Variants in NRXN2 observed in about 807,000 individuals in gnomAD.
The protein encoded by NRXN2 is neurexin 2, also known as neurexin-2-beta.
Under a neutral mutation model 128.8 loss-of-function variants are expected in NRXN2, and 29 were observed. The ratio of observed to expected loss-of-function variants is 0.23; its 90% CI spans 0.17 to 0.31. The LOEUF is 0.31. Ranked by LOEUF, NRXN2 falls within the 10% of genes least tolerant of loss-of-function variation. NRXN2 has a pLI of 1.00. For synonymous variants in NRXN2, 1,098 were observed against 1,075.2 expected, an observed-to-expected ratio of 1.02 and a Z score of -0.41; for missense variants, 1,881 against 2,452.6, an observed-to-expected ratio of 0.77 and a Z score of 4.92.
chr11:64,699,077 T>C (rs544205471), intron 2 of NRXN2, among the ~76,000 whole-genome samples: 15 of 152,352 alleles, frequency 9.8e-5, no homozygotes, highest in African/African-American at 3.6e-4. Flanking sequence ...TGGTGATATC[T>C]GTTCATTCGC....
rs67776872 is a variant in NRXN2, at chr11:64,699,425, C to CTTTTTTTTTTT, written c.731-1644_731-1634dup. Among the ~76,000 whole-genome samples the CTTTTTTTTTTT allele has an allele frequency of 9.2e-4, 85 of 92,108 alleles. 1 individual carries two copies. The highest frequency in any genetic ancestry group is 1.4e-3 in the African/African-American group (31 of 22,874). 60.4% of individuals were successfully genotyped at this position (92,108 alleles called of 152,430 possible). A position where few individuals can be genotyped will look rare whatever the true frequency, so the allele number is the denominator to read the frequency against. On this transcript the variant is annotated intron_variant, in intron 2 of 22. Transcript: ENST00000265459. ...TAAAAGATACATGTCTAATAGTTTTCTTTTTTTTTTTTTTTTTTTTTTGAG... is the reference window on the plus strand; with the variant it reads ...TAAAAGATACATGTCTAATAGTTTTCTTTTTTTTTTTTTTTTTTTTTTTTTTTTTTTTTGAG...
chr11:64,634,441 G>A (rs2044380368), intron 18 of NRXN2, among the ~76,000 whole-genome samples: 1 of 152,202 alleles, frequency 6.6e-6, no homozygotes, highest in African/African-American at 2.4e-5. Context: ...GGCAGGGAAA[G>A]AAAAGGGGCC....
chr11:64,702,793 T>A (rs1592231766), intron 2 of NRXN2, among the ~76,000 whole-genome samples: 7 of 109,188 alleles, frequency 6.4e-5, no homozygotes, highest in East Asian at 2.5e-4. Flanking sequence ...CCAAGAATGA[T>A]CAATAAAAAA....
chr11:64,687,328 G>A (rs775175349), intron 5 of NRXN2, among the ~76,000 whole-genome samples: 7 of 152,104 alleles, frequency 4.6e-5, no homozygotes, highest in African/African-American at 1.4e-4. Context: ...GGGGAGTTTC[G>A]GAGTGCAGAT....
chr11:64,618,943 C>T (rs987975489), intron 22 of NRXN2, among the ~76,000 whole-genome samples: 2 of 152,192 alleles, frequency 1.3e-5, no homozygotes, highest in African/African-American at 4.8e-5. Context: ...AACCCCTCTG[C>T]CCTTGGTTTT....
chr11:64,647,836 G>A (rs2046930275), intron 17 of NRXN2, among the ~76,000 whole-genome samples: 2 of 152,216 alleles, frequency 1.3e-5, no homozygotes, highest in Admixed American at 6.5e-5. Context: ...GTGCAATAGT[G>A]TGTCTGTGTG....
intron 17 of NRXN2, among the ~76,000 whole-genome samples, chr11:64,641,252 G>A (rs962593984): frequency 6.6e-6 from 1 of 152,096 alleles, no homozygotes; most frequent in Non-Finnish European, 1.5e-5. Context: ...GACAGGATGG[G>A]ATGGGATGGA....
intron 3 of NRXN2, among the ~76,000 whole-genome samples, chr11:64,693,347 A>G (rs2054095139): frequency 6.6e-6 from 1 of 151,828 alleles, no homozygotes; most frequent in African/African-American, 2.4e-5. Context: ...GCGGAGAGAA[A>G]AAAAAACAGT....
At position 64,630,053 on chromosome 11, in the gene NRXN2, T is replaced by G. The variant is rs2135367157; in HGVS notation, c.3757+349A>C. Among the ~76,000 whole-genome samples the G allele has an allele frequency of 6.6e-6, 1 of 152,162 alleles. No homozygotes were observed. The highest frequency in any genetic ancestry group is 2.4e-5 in the African/African-American group (1 of 41,496). On this transcript the variant is annotated intron_variant, in intron 19 of 22. Transcript: ENST00000265459. This position sits in a 1 kb window ranked among gnomAD's most constrained non-coding sequence, Gnocchi z 4.6. ...CTCCCTCATTTCTGAACTCAACCTT[T>G]CCGCAATCGCATCAGATTCTCCTCA...
At position 64,650,328 on chromosome 11, in the gene NRXN2, G is replaced by C; in HGVS notation, c.3109+120C>G. On this transcript the variant is annotated intron_variant, in intron 15 of 22. Coordinates refer to ENST00000265459, the MANE Select transcript of NRXN2 (RefSeq NM_015080.4). ...GCTGGACATAGTGGAGACAGGGAAA[G>C]AGAGGTGGAAACTGGGGGCAGGGAA... 4 of 999,382 alleles carry C rather than the reference G, an allele frequency of 4.0e-6. No individual in the cohort carries two copies. The Admixed American group carries it at 5.2e-5, about 13-fold the overall frequency. 61.9% of individuals were successfully genotyped at this position (999,382 alleles called of 1,614,324 possible). A position where few individuals can be genotyped will look rare whatever the true frequency, so the allele number is the denominator to read the frequency against.
At chr11:64,617,887 G>T (rs988721702) in intron 22 of NRXN2, among the ~76,000 whole-genome samples, 1 of 152,218 alleles carries the variant, frequency 6.6e-6, no homozygotes, top group Non-Finnish European at 1.5e-5. Flanking sequence ...GTGCGATGCA[G>T]GCTTAGGGGA....
chr11:64,667,565 C>T lies in NRXN2; in HGVS notation c.1483G>A (p.Val495Met). 1 of 1,614,212 alleles carries T rather than the reference C, an allele frequency of 6.2e-7. No homozygotes were observed. Among genetic ancestry groups the T allele is most frequent in the Non-Finnish European group, 8.5e-7 (1 of 1,180,046 alleles). The change falls in exon 9 of 23, where the codon GTG (valine) becomes ATG (methionine). Residue 495 changes from valine to methionine, a missense_variant. Coordinates refer to ENST00000265459, the MANE Select transcript of NRXN2 (RefSeq NM_015080.4). The surrounding 1 kb of genome is among the most constrained non-coding windows in gnomAD (Gnocchi z 5.6). Reference sequence around the variant, plus strand: ...AAGGCCTCGGGACTCTCAAAGGTCACAGGGTCCAGGGCAGCCACATCCTCA... The same window carrying T: ...AAGGCCTCGGGACTCTCAAAGGTCATAGGGTCCAGGGCAGCCACATCCTCA... ...RCEDVAALDP[V>M]TFESPEAFVA...
intron 12 of NRXN2, 55 bp from the exon 13 acceptor site, chr11:64,652,209 TC>T: frequency 3.2e-6 from 5 of 1,568,186 alleles, no homozygotes; most frequent in Non-Finnish European, 4.3e-6. Flanking sequence ...ATAGGTGACT[TC>T]CTATATCACC....
At chr11:64,653,628 C>T in intron 12 of NRXN2, 68 bp downstream of exon 12, 2 of 1,442,822 alleles carry the variant, frequency 1.4e-6, no homozygotes, top group Non-Finnish European at 1.9e-6. Context: ...CAGCCTCCCT[C>T]CCTAAATCCC....
At chr11:64,717,459 CA>C (rs1019234299) in intron 1 of NRXN2, among the ~76,000 whole-genome samples, 13 of 152,226 alleles carry the variant, frequency 8.5e-5, no homozygotes, top group African/African-American at 3.1e-4. Flanking sequence ...CAGATAGACT[CA>C]GCAGCCTTGG....
At chr11:64,628,047 A>T (rs1403513082) in intron 19 of NRXN2, among the ~76,000 whole-genome samples, 1 of 152,198 alleles carries the variant, frequency 6.6e-6, no homozygotes, top group Non-Finnish European at 1.5e-5. Flanking sequence ...TTAAAAACAG[A>T]TCATTCAATC....
At position 64,635,963 on chromosome 11, in the gene NRXN2, C is replaced by T. The variant is rs561437194; in HGVS notation, c.3404-511G>A. Among the ~76,000 whole-genome samples, 4 of 152,140 alleles carry T rather than the reference C, an allele frequency of 2.6e-5. No homozygotes were observed. The East Asian group carries it at 5.8e-4, about 22-fold the overall frequency. On this transcript the variant is annotated intron_variant, in intron 17 of 22. Coordinates refer to ENST00000265459, the MANE Select transcript of NRXN2 (RefSeq NM_015080.4). The surrounding 1 kb of genome is among the most constrained non-coding windows in gnomAD (Gnocchi z 4.8). ...AGCTCTGACTCACGGCCAGAGCTGG[C>T]GCCCTCCAACATCTCCCATCCCAAC...
chr11:64,646,693 T>TTAGTGGGGA (rs2046724968), intron 17 of NRXN2: 1 of 152,206 alleles, frequency 6.6e-6, no homozygotes, highest in Admixed American at 6.5e-5. Flanking sequence ...CATGAAACTA[T>TTAGTGGGGA]TAGTGGGGAG....
At chr11:64,703,897 G>A (rs490192) in intron 2 of NRXN2, among the ~76,000 whole-genome samples, 49,886 of 152,038 alleles carry the variant, frequency 0.33, 10,544 homozygotes, top group African/African-American at 0.59. Context: ...AGAGTAGGAC[G>A]TTGAAGAACA....
Sources: gnomAD v4.1 joint callset for allele counts (sites outside exome capture counted in the v4.1 genomes callset) on GRCh38, gnomAD v4.1.1 for gene constraint, Gnocchi (gnomAD v3.1) non-coding constraint, MANE v1.5 for transcripts, NCBI Gene and HGNC (gene_info 2026-07-23, HGNC 2026-07-21) for gene names.